NTNG1: variants seen among roughly 807,000 people sequenced by gnomAD.
NTNG1 encodes netrin-G1.
In NTNG1, 16 loss-of-function variants were observed where a neutral mutation model predicts 54.0. The ratio of observed to expected loss-of-function variants is 0.30; its 90% CI spans 0.20 to 0.45. NTNG1 has a LOEUF of 0.45. NTNG1 is among the 20% of genes least tolerant of loss of function. The pLI is 1.00. For synonymous variants in NTNG1, 255 were observed against 263.1 expected (o/e 0.97, Z 0.30); for missense variants, 530 against 678.7 (o/e 0.78, Z 2.43).
At chr1:107,397,796 C>T (rs1259665543) in intron 4 of NTNG1, among the ~76,000 whole-genome samples, 1 of 151,620 alleles carries the variant, frequency 6.6e-6, no homozygotes, top group South Asian at 2.1e-4. Context: ...ATTTCTTCCC[C>T]AGATTAACCA....
chr1:107,234,082 CTT>C (rs1661242069), intron 2 of NTNG1, among the ~76,000 whole-genome samples: 1 of 152,076 alleles, frequency 6.6e-6, no homozygotes, highest in African/African-American at 2.4e-5. Context: ...GAGGGAATAA[CTT>C]ATACATCTAA....
chr1:107,430,664 C>T (rs1301625756), intron 5 of NTNG1, 86 bp from the exon 6 acceptor site: 1 of 1,356,980 alleles, frequency 7.4e-7, no homozygotes, highest in Non-Finnish European at 1.1e-6. Flanking sequence ...CGTCTTTTCT[C>T]CATCCCTCAT....
chr1:107,306,764 A>C (rs1666721594), intron 2 of NTNG1, among the ~76,000 whole-genome samples: 1 of 151,986 alleles, frequency 6.6e-6, no homozygotes, highest in Non-Finnish European at 1.5e-5. Context: ...AAAAAAAAAA[A>C]GTGAAAGTGT....
Position 107,382,401 on chromosome 1 carries a change from T to C in NTNG1, c.888-12753T>C, listed in dbSNP as rs116609418. Reference sequence around the variant, plus strand: ...ATCATTTGACTCTAAAAATGTGACATTGATCCATGTTAAATTATTTTAAAT... The same window carrying C: ...ATCATTTGACTCTAAAAATGTGACACTGATCCATGTTAAATTATTTTAAAT... On this transcript the variant is annotated intron_variant, in intron 3 of 7. Transcript: ENST00000370068. Among the ~76,000 whole-genome samples, 1,303 of 152,328 alleles carry C rather than the reference T, an allele frequency of 8.6e-3. 22 individuals are homozygous for C. Among genetic ancestry groups the C allele is most frequent in the African/African-American group, 0.03 (1,249 of 41,568 alleles).
At chr1:107,181,047 GC>G (rs1194048633) in intron 2 of NTNG1, among the ~76,000 whole-genome samples, 4 of 152,256 alleles carry the variant, frequency 2.6e-5, no homozygotes, top group African/African-American at 9.6e-5. Flanking sequence ...CCTGCAAGTG[GC>G]CACTTATGCC....
intron 2 of NTNG1, among the ~76,000 whole-genome samples, chr1:107,323,647 G>C (rs1667780366): frequency 6.6e-6 from 1 of 152,078 alleles, no homozygotes; most frequent in Non-Finnish European, 1.5e-5. Context: ...TAGGCTGGCA[G>C]GTATTTGGAC....
chr1:107,329,588 A>G (rs1668162035), intron 3 of NTNG1, among the ~76,000 whole-genome samples: 1 of 152,158 alleles, frequency 6.6e-6, no homozygotes, highest in Non-Finnish European at 1.5e-5. Context: ...CCTAGCCACA[A>G]CTGAAATAAA....
chr1:107,241,294 T>C (rs74815244), intron 2 of NTNG1, among the ~76,000 whole-genome samples: 5,554 of 152,258 alleles, frequency 0.036, 267 homozygotes, highest in African/African-American at 0.12. Flanking sequence ...GTTCCCTTAG[T>C]TTCCTGCATA....
At chr1:107,337,687 A>C (rs1668666147) in intron 3 of NTNG1, among the ~76,000 whole-genome samples, 1 of 152,058 alleles carries the variant, frequency 6.6e-6, no homozygotes. Flanking sequence ...AAAGTAAAAC[A>C]CAGAAATTCT....
chr1:107,376,428 A>AAC (rs1553235214), intron 3 of NTNG1, among the ~76,000 whole-genome samples: 3 of 151,466 alleles, frequency 2.0e-5, no homozygotes, highest in Admixed American at 6.6e-5. Flanking sequence ...AAAAAAAAAA[A>AAC]CAAAAAAAAA....
At chr1:107,167,257 C>G (rs952134403) in intron 2 of NTNG1, among the ~76,000 whole-genome samples, 1 of 151,660 alleles carries the variant, frequency 6.6e-6, no homozygotes. Context: ...TAGAGTGGCA[C>G]GAATTTATGC....
chr1:107,350,926 A>G (rs1272155867), intron 3 of NTNG1, among the ~76,000 whole-genome samples: 1 of 152,200 alleles, frequency 6.6e-6, no homozygotes, highest in Non-Finnish European at 1.5e-5. Context: ...AATGTACAGC[A>G]TGGTGACTAT....
Position 107,324,750 on chromosome 1 carries a change from A to G in NTNG1, c.715A>G (p.Asn239Asp). ...FAFFAGPRLRNMASLYGQLDT... is the reference protein window; with the variant it reads ...FAFFAGPRLRDMASLYGQLDT... ...GTTTTTTGCTGGACCTCGCCTACGC[A>G]ATATGGCTTCCCTCTACGGACAGCT... The change falls in exon 3 of 8, where the codon AAT (asparagine) becomes GAT (aspartate). Residue 239 changes from asparagine (N) to aspartate (D), a missense_variant. This residue lies in a region of NTNG1 where 318 missense variants were observed against 465.1 expected (regional missense o/e 0.68). Transcript: ENST00000370068. The G allele has an allele frequency of 6.2e-7, 1 of 1,613,670 alleles. No homozygotes were observed. Among genetic ancestry groups the G allele is most frequent in the Non-Finnish European group, 8.5e-7 (1 of 1,179,812 alleles).
chr1:107,150,209 G>GTC (rs1449178892), intron 2 of NTNG1, among the ~76,000 whole-genome samples: 2 of 152,128 alleles, frequency 1.3e-5, no homozygotes, highest in Admixed American at 1.3e-4. Flanking sequence ...GAGAGGACCC[G>GTC]TCTCTATGGG....
At chr1:107,379,117 T>C (rs1671486774) in intron 3 of NTNG1, among the ~76,000 whole-genome samples, 1 of 152,174 alleles carries the variant, frequency 6.6e-6, no homozygotes, top group African/African-American at 2.4e-5. Flanking sequence ...TACCACACAC[T>C]CTGCATTTGA....
At chr1:107,183,778 A>G (rs1265971266) in intron 2 of NTNG1, among the ~76,000 whole-genome samples, 2 of 152,126 alleles carry the variant, frequency 1.3e-5, no homozygotes, top group South Asian at 2.1e-4. Flanking sequence ...AATAACCTGG[A>G]CAAAAGACAA....
intron 7 of NTNG1, among the ~76,000 whole-genome samples, chr1:107,465,031 C>T (rs1677514423): frequency 6.6e-6 from 1 of 152,100 alleles, no homozygotes; most frequent in African/African-American, 2.4e-5. Context: ...CTTCTCACCA[C>T]AATACAAGAA....
intron 2 of NTNG1, among the ~76,000 whole-genome samples, chr1:107,282,454 A>G (rs1363125224): frequency 6.6e-6 from 1 of 152,150 alleles, no homozygotes; most frequent in Non-Finnish European, 1.5e-5. Context: ...GAATTTAAAA[A>G]TGATCTCTCC....
intron 2 of NTNG1, among the ~76,000 whole-genome samples, chr1:107,262,279 G>A (rs10785819): frequency 0.63 from 95,281 of 152,084 alleles, 33,086 homozygotes; most frequent in Non-Finnish European, 0.78. Flanking sequence ...AGACTGGGAG[G>A]ACGACTAGGT....
Sources: allele counts gnomAD v4.1 joint callset (sites outside exome capture counted in the v4.1 genomes callset), GRCh38; gene constraint gnomAD v4.1.1; regional missense constraint gnomAD v4.1.1; transcripts MANE v1.5; gene names NCBI Gene and HGNC (gene_info 2026-07-23, HGNC 2026-07-21).